ZNF638: variants seen among roughly 807,000 people sequenced by gnomAD.
The protein encoded by ZNF638 is zinc finger protein 638.
A neutral mutation model predicts 195.6 loss-of-function variants in ZNF638; 46 were observed. The observed-to-expected ratio is 0.24, with a 90% CI of 0.19 to 0.30. The LOEUF is 0.30. Among genes scored for constraint, ZNF638 ranks in the 10% least tolerant of loss-of-function variants. The pLI, the probability that ZNF638 is intolerant of heterozygous loss-of-function variation, is 1.00. For synonymous variants in ZNF638, 845 were observed against 772.0 expected (o/e 1.09, Z -1.57); for missense variants, 2,440 against 2,325.3 (o/e 1.05, Z -1.01).
At chr2:71,370,152 A>G in intron 8 of ZNF638, 147 bp downstream of exon 8, 2 of 908,500 alleles carry the variant, frequency 2.2e-6, no homozygotes, top group Non-Finnish European at 3.3e-6. Flanking sequence ...GTATGTTGAA[A>G]TTAAAACTTC....
chr2:71,332,416 GA>G (rs1351113630), intron 1 of ZNF638, among the ~76,000 whole-genome samples: 1 of 152,216 alleles, frequency 6.6e-6, no homozygotes, highest in Non-Finnish European at 1.5e-5. Context: ...TGGGGTTGGG[GA>G]GGGGGTGTCG....
chr2:71,343,491 A>G (rs2078798881), intron 1 of ZNF638, among the ~76,000 whole-genome samples: 3 of 152,248 alleles, frequency 2.0e-5, no homozygotes, highest in Admixed American at 2.0e-4. Flanking sequence ...GCCTGCCAAT[A>G]AGTAAAACAG....
rs1208154932 is a variant in ZNF638, at chr2:71,433,243, C to T, written c.5831C>T (p.Thr1944Ile). The T allele has an allele frequency of 1.2e-6, 2 of 1,614,004 alleles. No individual in the cohort carries two copies. Among genetic ancestry groups the T allele is most frequent in the South Asian group, 1.1e-5 (1 of 91,078 alleles). ...TTCTACTCAGGTGAAAAAGCAATGACAAATCACTGCAAGAGTACACGTCAT... is the reference window on the plus strand; with the variant it reads ...TTCTACTCAGGTGAAAAAGCAATGATAAATCACTGCAAGAGTACACGTCAT... ...SLFYSGEKAM[T>I]NHCKSTRHKQ... is the part of the protein sequence containing the mutation. The change falls in exon 27 of 28, where the codon ACA (threonine) becomes ATA (isoleucine). Residue 1944 changes from threonine to isoleucine, a missense_variant. By Grantham distance (89) the Thr-to-Ile change is moderately conservative. Transcript: ENST00000264447.
At chr2:71,358,844 C>T (rs1160181283) in intron 3 of ZNF638, among the ~76,000 whole-genome samples, 1 of 152,182 alleles carries the variant, frequency 6.6e-6, no homozygotes, top group Non-Finnish European at 1.5e-5. Context: ...GAGTCACACT[C>T]ATAGTATTTC....
rs1262174507 is a variant in ZNF638, at chr2:71,408,234, T to C, written c.3248T>C (p.Ile1083Thr). The change falls in exon 20 of 28, where the codon ATA becomes ACA. Residue 1083 changes from isoleucine (I) to threonine (T), a missense_variant. Physicochemically the swap from Ile to Thr is moderately conservative, Grantham distance 89 (BLOSUM62 -1). Around this residue, in one of 5 missense-constraint regions of ZNF638, gnomAD observed 1,883 missense variants for 1,739.1 expected, o/e 1.08. Transcript: ENST00000264447. ...TTGACCTGCTCATTATCTCCAAAGATAGACTTACCAGAGGTAAGATTTATC... is the reference window on the plus strand; with the variant it reads ...TTGACCTGCTCATTATCTCCAAAGACAGACTTACCAGAGGTAAGATTTATC... ...HMLTCSLSPK[I>T]DLPEVQIEHD... 5.0e-6 allele frequency: 8 copies of C among 1,610,312 alleles called. No individual in the cohort carries two copies. Among genetic ancestry groups the C allele is most frequent in the South Asian group, 2.2e-5 (2 of 90,038 alleles).
At chr2:71,427,603 A>G (rs1558887678) in intron 24 of ZNF638, among the ~76,000 whole-genome samples, 189 bp downstream of exon 24, 2 of 152,256 alleles carry the variant, frequency 1.3e-5, no homozygotes. Context: ...TTAAAGTTTT[A>G]CAGCAGAACT....
chr2:71,343,796 A>C (rs967696867), intron 1 of ZNF638, among the ~76,000 whole-genome samples: 2 of 152,086 alleles, frequency 1.3e-5, no homozygotes, highest in Admixed American at 1.3e-4. Flanking sequence ...CACCAAAAAA[A>C]CTCACGTTTT....
chr2:71,346,069 T>C (rs2078845901), intron 1 of ZNF638, among the ~76,000 whole-genome samples: 1 of 152,252 alleles, frequency 6.6e-6, no homozygotes, highest in Non-Finnish European at 1.5e-5. Flanking sequence ...ATGGAGATTG[T>C]TCCAAATGAT....
chr2:71,387,363 T>A (rs1415520717), intron 10 of ZNF638, among the ~76,000 whole-genome samples: 2 of 152,180 alleles, frequency 1.3e-5, no homozygotes, highest in East Asian at 1.9e-4. Context: ...ACTTTTTTTT[T>A]ACTTTTGATA....
At chr2:71,348,625 C>T in intron 1 of ZNF638, 128 bp from the exon 2 acceptor site, 2 of 1,239,344 alleles carry the variant, frequency 1.6e-6, no homozygotes, top group Non-Finnish European at 2.1e-6. Context: ...TAAGCCCTTA[C>T]TCTAAAAGTA....
chr2:71,430,834 C>T (rs1438152627), intron 25 of ZNF638, among the ~76,000 whole-genome samples: 9 of 152,218 alleles, frequency 5.9e-5, no homozygotes, highest in African/African-American at 1.9e-4. Context: ...GTGCTTCTTA[C>T]GTGTTACTCA....
In ZNF638 at chr2:71,423,436, G is replaced by C. The variant is rs376441029; in HGVS notation, c.3922G>C (p.Asp1308His). 6.2e-7 allele frequency: 1 copy of C among 1,613,448 alleles called. No individual in the cohort carries two copies. The highest frequency in any genetic ancestry group is 8.5e-7 in the Non-Finnish European group (1 of 1,179,922). Residue 1308 changes from aspartate (D) to histidine (H), a missense_variant, in exon 22 of 28, where the codon GAT becomes CAT. By Grantham distance (81) the Asp-to-His change is moderately conservative. Transcript: ENST00000264447. Reference sequence around the variant, plus strand: ...TATTTCTGAAAAAAAAGGTAACATGGATGAAAAGGAGGAGAAGGAATTTAA... The same window carrying C: ...TATTTCTGAAAAAAAAGGTAACATGCATGAAAAGGAGGAGAAGGAATTTAA... ...KNISEKKGNMDEKEEKEFNTK... is the reference protein window; with the variant it reads ...KNISEKKGNMHEKEEKEFNTK...
chr2:71,392,749 A>G lies in ZNF638; in HGVS notation c.2378-3392A>G, dbSNP rs890065925. Among the ~76,000 whole-genome samples, 3 of 152,094 alleles carry G rather than the reference A, an allele frequency of 2.0e-5. 1 individual carries two copies. Among genetic ancestry groups the G allele is most frequent in the Admixed American group, 1.3e-4 (2 of 15,282 alleles). ...AGCTTACCCAAAGACTGGGTAAACA[A>G]ATTATCCTGCAGTGCCCAGATTGCC... On this transcript the variant is annotated intron_variant, in intron 10 of 27. Transcript: ENST00000264447.
chr2:71,364,895 C>T (rs1044669645), intron 5 of ZNF638, among the ~76,000 whole-genome samples: 5 of 152,118 alleles, frequency 3.3e-5, no homozygotes, highest in African/African-American at 1.2e-4. Flanking sequence ...TACATGCCTC[C>T]ATGAGGCTGG....
chr2:71,375,624 A>C (rs896424071), intron 8 of ZNF638: 2 of 152,242 alleles, frequency 1.3e-5, no homozygotes, highest in African/African-American at 4.8e-5. Context: ...AGGATTAAAT[A>C]CATAATTTAA....
Position 71,423,265 on chromosome 2 carries a change from A to G in ZNF638, c.3751A>G (p.Ile1251Val), listed in dbSNP as rs763029324. The change falls in exon 22 of 28, where the codon ATT becomes GTT. Residue 1251 changes from isoleucine to valine, a missense_variant. Transcript: ENST00000264447. Reference protein sequence around the residue: ...EESPSEAEDFISGITQTMVEA... With the variant: ...EESPSEAEDFVSGITQTMVEA... ...ATCTCCATCTGAAGCAGAAGATTTC[A>G]TTTCTGGAATTACACAGACTATGGT... 2 of 1,614,080 alleles carry G rather than the reference A, an allele frequency of 1.2e-6. No individual in the cohort carries two copies. Among genetic ancestry groups the G allele is most frequent in the South Asian group, 1.1e-5 (1 of 91,084 alleles).
At chr2:71,420,958 A>T (rs1488740923) in intron 21 of ZNF638, among the ~76,000 whole-genome samples, 1 of 152,298 alleles carries the variant, frequency 6.6e-6, no homozygotes, top group Admixed American at 6.5e-5. Context: ...CAAGTATGGA[A>T]CTGCATAATG....
At position 71,409,747 on chromosome 2, in the gene ZNF638, C is replaced by T. The variant is rs2152585858; in HGVS notation, c.3261+1500C>T. ...ATTACTATTTGTTGAATGGAGTCTC[C>T]TTTCAGAGCTATTCTTGTGACTCTT... is the stretch of plus-strand genomic sequence containing the variant. On this transcript the variant is annotated intron_variant, in intron 20 of 27. Coordinates refer to ENST00000264447, the MANE Select transcript of ZNF638 (RefSeq NM_014497.5). 2.0e-5 allele frequency among the ~76,000 whole-genome samples: 3 copies of T among 152,222 alleles called. 1 individual carries two copies. Among genetic ancestry groups the T allele is most frequent in the Admixed American group, 2.0e-4 (3 of 15,288 alleles).
chr2:71,336,242 T>C (rs2078665212), intron 1 of ZNF638, among the ~76,000 whole-genome samples: 1 of 151,698 alleles, frequency 6.6e-6, no homozygotes, highest in African/African-American at 2.4e-5. Flanking sequence ...TGGTGGTGCA[T>C]GTCTGTAATC....
Sources: gnomAD v4.1 joint callset for allele counts (sites outside exome capture counted in the v4.1 genomes callset) on GRCh38, gnomAD v4.1.1 for gene constraint, gnomAD v4.1.1 regional missense constraint, MANE v1.5 for transcripts, NCBI Gene and HGNC (gene_info 2026-07-23, HGNC 2026-07-21) for gene names.